Variants in MACROD2 observed in about 807,000 individuals in gnomAD.
The protein encoded by MACROD2 is mono-ADP ribosylhydrolase 2.
MACROD2 carries 36 observed loss-of-function variants against 70.4 expected under a neutral mutation model. The observed-to-expected ratio is 0.51, with a 90% CI of 0.39 to 0.68. The LOEUF (loss-of-function observed/expected upper bound fraction) is 0.68. Among genes scored for constraint, MACROD2 ranks in the 30% least tolerant of loss-of-function variants. MACROD2 has a pLI of 0.00. For synonymous variants in MACROD2, 172 were observed against 178.8 expected, an observed-to-expected ratio of 0.96 and a Z score of 0.30; for missense variants, 496 against 538.4, an observed-to-expected ratio of 0.92 and a Z score of 0.78.
At chr20:15,612,524 A>T (rs2048983709) in intron 8 of MACROD2, among the ~76,000 whole-genome samples, 1 of 152,204 alleles carries the variant, frequency 6.6e-6, no homozygotes, top group African/African-American at 2.4e-5. Context: ...CAGGAGTAAC[A>T]TTTTTTAAAA....
intron 3 of MACROD2, among the ~76,000 whole-genome samples, chr20:14,292,075 C>T (rs1463343805): frequency 6.6e-6 from 1 of 151,936 alleles, no homozygotes; most frequent in Non-Finnish European, 1.5e-5. Flanking sequence ...GTAGGACCTA[C>T]AGGCATCTTG....
At position 14,062,444 on chromosome 20, in the gene MACROD2, A is replaced by G. The variant is rs533161848; in HGVS notation, c.164-23177A>G. On this transcript the variant is annotated intron_variant, in intron 2 of 17. Transcript: ENST00000684519. ...CATTCAGAGTAGTGAAAAATTCACA[A>G]AACAGCTTTGTAGTAGCTCCTAAAA... Among the ~76,000 whole-genome samples the G allele has an allele frequency of 2.2e-4, 34 of 152,322 alleles. No individual in the cohort carries two copies. In the South Asian group the frequency reaches 7.0e-3, roughly 32 times the overall value.
intron 10 of MACROD2, among the ~76,000 whole-genome samples, chr20:15,930,076 A>G (rs1227591743): frequency 1.3e-5 from 2 of 152,234 alleles, no homozygotes; most frequent in African/African-American, 2.4e-5. Context: ...TTTAGCTTCT[A>G]TGTGGCATTA....
intron 5 of MACROD2, among the ~76,000 whole-genome samples, chr20:15,143,850 A>T (rs957980227): frequency 1.3e-5 from 2 of 151,524 alleles, no homozygotes; most frequent in Non-Finnish European, 2.9e-5. Flanking sequence ...TCACTAGAGA[A>T]GGGGTGTTCA....
At chr20:14,901,401 A>G (rs1195764969) in intron 5 of MACROD2, among the ~76,000 whole-genome samples, 1 of 152,106 alleles carries the variant, frequency 6.6e-6, no homozygotes, top group Non-Finnish European at 1.5e-5. Flanking sequence ...GTTTTCAAGA[A>G]AACAGAATTA....
intron 6 of MACROD2, among the ~76,000 whole-genome samples, chr20:15,286,605 A>G (rs1359484806): frequency 6.6e-6 from 1 of 152,162 alleles, no homozygotes; most frequent in Non-Finnish European, 1.5e-5. Flanking sequence ...CAAAGATATA[A>G]CACAGGGTGA....
At chr20:15,874,031 C>A (rs570539062) in intron 9 of MACROD2, among the ~76,000 whole-genome samples, 27 of 151,918 alleles carry the variant, frequency 1.8e-4, no homozygotes, top group East Asian at 3.9e-4. Flanking sequence ...TGTCATTTAC[C>A]TTAGGTATTT....
At chr20:15,205,497 A>G (rs986282588) in intron 5 of MACROD2, among the ~76,000 whole-genome samples, 20 of 152,230 alleles carry the variant, frequency 1.3e-4, no homozygotes, top group African/African-American at 4.6e-4. Context: ...AGATCAAGGC[A>G]AAACCGGTGA....
intron 3 of MACROD2, among the ~76,000 whole-genome samples, chr20:14,336,572 G>C (rs1384824970): frequency 2.6e-5 from 4 of 152,102 alleles, no homozygotes; most frequent in African/African-American, 9.7e-5. Context: ...TGGATCCTCT[G>C]CAAAACCCAC....
intron 2 of MACROD2, among the ~76,000 whole-genome samples, chr20:14,062,326 AAC>A (rs1432568412): frequency 6.6e-6 from 1 of 152,138 alleles, no homozygotes; most frequent in Non-Finnish European, 1.5e-5. Context: ...AAATACGCAA[AAC>A]ACATGGATCT....
At chr20:14,968,218 T>C (rs2074656419) in intron 5 of MACROD2, among the ~76,000 whole-genome samples, 1 of 152,174 alleles carries the variant, frequency 6.6e-6, no homozygotes, top group Non-Finnish European at 1.5e-5. Context: ...TTTTTTTAAA[T>C]CTCTTTTTAA....
rs946077075 is a variant in MACROD2 at position 14,327,020 on chromosome 20, G to A, written c.272-166459G>A. ...CAGGGAATTGTGCTAAGGTGATTAC[G>A]GGACAGGAAAAGCAGTCGGAGATAG... On this transcript the variant is annotated intron_variant, in intron 3 of 17. Transcript: ENST00000684519. 5.0e-6 allele frequency: 8 copies of A among 1,613,686 alleles called. No homozygotes were observed. Among genetic ancestry groups the A allele is most frequent in the East Asian group, 2.2e-5 (1 of 44,856 alleles).
chr20:14,515,589 T>G (rs1242296290), intron 4 of MACROD2, among the ~76,000 whole-genome samples: 1 of 151,654 alleles, frequency 6.6e-6, no homozygotes, highest in Non-Finnish European at 1.5e-5. Flanking sequence ...TTATGCTAAA[T>G]GAAATAAGCC....
At chr20:14,462,578 C>T (rs1288790156) in intron 3 of MACROD2, among the ~76,000 whole-genome samples, 1 of 138,906 alleles carries the variant, frequency 7.2e-6, no homozygotes, top group Non-Finnish European at 1.6e-5. Context: ...GTTGCCATTG[C>T]TTTTGGTGTT....
chr20:14,325,336 G>C, intron 3 of MACROD2: 1 of 411,724 alleles, frequency 2.4e-6, no homozygotes. Context: ...CTAAAATATA[G>C]AATTGTGTTC....
At chr20:14,752,412 C>G (rs764497831) in intron 5 of MACROD2, among the ~76,000 whole-genome samples, 2 of 152,012 alleles carry the variant, frequency 1.3e-5, no homozygotes, top group Admixed American at 6.6e-5. Flanking sequence ...CTCAACACTT[C>G]TTTTCTCATT....
chr20:14,031,305 A>G (rs2053244380), intron 2 of MACROD2, among the ~76,000 whole-genome samples: 1 of 152,210 alleles, frequency 6.6e-6, no homozygotes, highest in Non-Finnish European at 1.5e-5. Context: ...ATTTAAAAGT[A>G]AGTACAATAT....
chr20:15,767,491 A>C (rs2051547733), intron 8 of MACROD2, among the ~76,000 whole-genome samples: 1 of 152,362 alleles, frequency 6.6e-6, no homozygotes, highest in Non-Finnish European at 1.5e-5. Context: ...TTTGCAACTC[A>C]TGCTGACAAG....
intron 4 of MACROD2, among the ~76,000 whole-genome samples, chr20:14,577,761 G>A (rs1980692828): frequency 1.1e-5 from 1 of 87,750 alleles, no homozygotes; most frequent in African/African-American, 3.4e-5. Flanking sequence ...CAGCCTGGGC[G>A]ACAGAGCAAG....
Sources: allele counts gnomAD v4.1 joint callset (sites outside exome capture counted in the v4.1 genomes callset), GRCh38; gene constraint gnomAD v4.1.1; transcripts MANE v1.5; gene names NCBI Gene and HGNC (gene_info 2026-07-23, HGNC 2026-07-21).